The following DCC variants were observed in gnomAD, a reference collection of about 807,000 sequenced individuals.
DCC encodes the protein netrin receptor DCC.
DCC carries 58 observed loss-of-function variants against 172.5 expected under a neutral mutation model. That is an observed-to-expected ratio of 0.34 (90% CI 0.27 to 0.42). DCC has a LOEUF of 0.42. Ranked by LOEUF, DCC falls within the 10% of genes least tolerant of loss-of-function variation. The pLI, the probability that DCC is intolerant of heterozygous loss-of-function variation, is 1.00. For synonymous variants in DCC, 709 were observed against 644.5 expected (o/e 1.10, Z -1.52); for missense variants, 1,740 against 1,791.0 (o/e 0.97, Z 0.51).
intron 1 of DCC, among the ~76,000 whole-genome samples, chr18:52,557,189 A>T (rs1271120903): frequency 6.6e-6 from 1 of 152,234 alleles, no homozygotes; most frequent in Non-Finnish European, 1.5e-5. Flanking sequence ...CCAGTGTATG[A>T]AAACAGTTAA....
intron 18 of DCC, among the ~76,000 whole-genome samples, chr18:53,402,578 C>T (rs1327512861): frequency 6.6e-6 from 1 of 152,014 alleles, no homozygotes; most frequent in Non-Finnish European, 1.5e-5. Flanking sequence ...TATAGTCACA[C>T]CTTGGGAATC....
At chr18:53,333,504 G>GC (rs2057555962) in intron 14 of DCC, among the ~76,000 whole-genome samples, 3 of 152,180 alleles carry the variant, frequency 2.0e-5, no homozygotes. Context: ...GGTGGCGACT[G>GC]TTTGCATTAC....
rs533331641 is a variant in DCC, at chr18:53,496,710, A to G, written c.3899-2588A>G. Among the ~76,000 whole-genome samples, 82 of 152,330 alleles carry G rather than the reference A, an allele frequency of 5.4e-4. No individual in the cohort carries two copies. In the South Asian group the frequency reaches 0.017, roughly 31 times the overall value. ...CCCAATGCAAGGAAGCTCTAACCCA[A>G]TGCACGGAAGTTAAGAACCTTGAGA... On this transcript the variant is annotated intron_variant, in intron 26 of 28. Transcript: ENST00000442544.
intron 9 of DCC, among the ~76,000 whole-genome samples, chr18:53,189,192 T>G (rs550520678): frequency 3.4e-4 from 52 of 152,254 alleles, no homozygotes; most frequent in African/African-American, 1.3e-3. Context: ...TGTGTGTGTA[T>G]ATATGTGTAT....
At chr18:53,282,937 A>T (rs2056890735) in intron 12 of DCC, among the ~76,000 whole-genome samples, 1 of 152,164 alleles carries the variant, frequency 6.6e-6, no homozygotes, top group Admixed American at 6.6e-5. Context: ...TCTCTGGTGA[A>T]TTTTGGTCAT....
intron 2 of DCC, among the ~76,000 whole-genome samples, chr18:52,770,509 G>A (rs2037323335): frequency 6.6e-6 from 1 of 152,158 alleles, no homozygotes; most frequent in South Asian, 2.1e-4. Context: ...CTAGAGTGAA[G>A]GCTTCCTGAG....
chr18:52,435,595 C>T (rs1046166274), intron 1 of DCC, among the ~76,000 whole-genome samples: 3 of 152,194 alleles, frequency 2.0e-5, no homozygotes, highest in Admixed American at 1.3e-4. Context: ...CTGTCTTTCC[C>T]ATTTATCTCA....
chr18:52,895,286 C>A (rs1475911060), intron 2 of DCC, among the ~76,000 whole-genome samples: 3 of 152,162 alleles, frequency 2.0e-5, no homozygotes, highest in East Asian at 1.9e-4. Context: ...AGATTTTTAG[C>A]TTAATAGAAA....
intron 1 of DCC, among the ~76,000 whole-genome samples, chr18:52,656,512 T>C (rs2035257750): frequency 6.6e-6 from 1 of 151,820 alleles, no homozygotes; most frequent in African/African-American, 2.4e-5. Flanking sequence ...ACTAAGACAA[T>C]TGATAAATAT....
At chr18:53,295,072 G>A (rs764054366) in intron 12 of DCC, among the ~76,000 whole-genome samples, 4 of 151,816 alleles carry the variant, frequency 2.6e-5, no homozygotes, top group Non-Finnish European at 5.9e-5. Context: ...ATTACCCAAC[G>A]TGTACTTAAA....
At chr18:52,918,153 C>A (rs1324245698) in intron 3 of DCC, among the ~76,000 whole-genome samples, 1 of 152,064 alleles carries the variant, frequency 6.6e-6, no homozygotes, top group South Asian at 2.1e-4. Flanking sequence ...TATGTGTCAA[C>A]CAATTTATGA....
At chr18:52,848,082 ATTTTTTTTTTT>A (rs11291428) in intron 2 of DCC, among the ~76,000 whole-genome samples, 1 of 127,392 alleles carries the variant, frequency 7.8e-6, no homozygotes, top group East Asian at 2.3e-4. Flanking sequence ...GACTTTTCTA[ATTTTTTTTTTT>A]TTTTTTTTTT....
chr18:53,221,175 A>G (rs1423165037), intron 12 of DCC, among the ~76,000 whole-genome samples: 1 of 152,066 alleles, frequency 6.6e-6, no homozygotes, highest in East Asian at 1.9e-4. Flanking sequence ...TAATTTTTTA[A>G]ATTAAATACA....
At chr18:53,024,915 A>C (rs1034897069) in intron 5 of DCC, among the ~76,000 whole-genome samples, 1 of 152,130 alleles carries the variant, frequency 6.6e-6, no homozygotes, top group Non-Finnish European at 1.5e-5. Context: ...TCTTTGACCT[A>C]CCATCTTCAT....
intron 12 of DCC, among the ~76,000 whole-genome samples, chr18:53,242,410 G>T (rs949464790): frequency 6.6e-6 from 1 of 152,144 alleles, no homozygotes; most frequent in Admixed American, 6.6e-5. Flanking sequence ...CACATTATCT[G>T]AAACATAGTA....
intron 10 of DCC, among the ~76,000 whole-genome samples, chr18:53,205,746 C>T (rs558866121): frequency 6.6e-6 from 1 of 152,166 alleles, no homozygotes; most frequent in African/African-American, 2.4e-5. Context: ...GTTTGCCAAA[C>T]TGCTTTTTTC....
At chr18:52,840,460 A>G (rs996941720) in intron 2 of DCC, among the ~76,000 whole-genome samples, 8 of 152,168 alleles carry the variant, frequency 5.3e-5, no homozygotes, top group African/African-American at 1.9e-4. Flanking sequence ...ATTCTCAGTA[A>G]CACCAATATT....
At chr18:52,832,507 C>A (rs1258126531) in intron 2 of DCC, among the ~76,000 whole-genome samples, 2 of 152,058 alleles carry the variant, frequency 1.3e-5, no homozygotes, top group East Asian at 1.9e-4. Context: ...GACTTCTGGG[C>A]GTCTTCCGTG....
intron 3 of DCC, among the ~76,000 whole-genome samples, chr18:52,910,632 G>A (rs2039958780): frequency 6.6e-6 from 1 of 152,132 alleles, no homozygotes; most frequent in Non-Finnish European, 1.5e-5. Flanking sequence ...GTCGCATCAT[G>A]TCTGAGTGCC....
Sources: gnomAD v4.1 joint callset for allele counts (sites outside exome capture counted in the v4.1 genomes callset) on GRCh38, gnomAD v4.1.1 for gene constraint, MANE v1.5 for transcripts, NCBI Gene and HGNC (gene_info 2026-07-23, HGNC 2026-07-21) for gene names.